SLC9A9: variants seen among roughly 807,000 people sequenced by gnomAD.
SLC9A9 encodes solute carrier family 9 member A9.
Under a neutral mutation model 77.8 loss-of-function variants are expected in SLC9A9, and 62 were observed. That is an observed-to-expected ratio of 0.80 (90% CI 0.65 to 0.98). The LOEUF is 0.98. Ranked by LOEUF, SLC9A9 falls within the 50% of genes least tolerant of loss-of-function variation. The pLI, the probability that SLC9A9 is intolerant of heterozygous loss-of-function variation, is 0.00. For missense variants in SLC9A9, 775 were observed against 774.9 expected, an observed-to-expected ratio of 1.00 and a Z score of 0.00; for synonymous variants, 320 against 283.5, an observed-to-expected ratio of 1.13 and a Z score of -1.29.
chr3:143,671,826 G>A lies in SLC9A9; in HGVS notation c.650-19466C>T, dbSNP rs1417145814. ...TCTAGAAGCCTGCTGGCTTCAGTGG[G>A]AGGTACTCTGGTCTAACATCCTCTG... On this transcript the variant is annotated intron_variant, in intron 5 of 15. Coordinates refer to ENST00000316549, the MANE Select transcript of SLC9A9 (RefSeq NM_173653.4). Among the ~76,000 whole-genome samples, 5 of 152,322 alleles carry A rather than the reference G, an allele frequency of 3.3e-5. No homozygotes were observed. In the East Asian group the frequency reaches 5.8e-4, roughly 18 times the overall value.
At chr3:143,361,128 A>T (rs1208976208) in intron 14 of SLC9A9, among the ~76,000 whole-genome samples, 1 of 152,252 alleles carries the variant, frequency 6.6e-6, no homozygotes, top group Non-Finnish European at 1.5e-5. Flanking sequence ...CCTTGAAATA[A>T]ATCTATATGT....
intron 2 of SLC9A9, among the ~76,000 whole-genome samples, chr3:143,831,529 G>A (rs181375161): frequency 9.1e-4 from 139 of 152,238 alleles, no homozygotes; most frequent in Non-Finnish European, 1.6e-3. Flanking sequence ...TTTATACATA[G>A]CCAAGTGGCC....
chr3:143,489,072 T>C (rs2035699302), intron 11 of SLC9A9, among the ~76,000 whole-genome samples: 2 of 151,888 alleles, frequency 1.3e-5, no homozygotes, highest in South Asian at 2.1e-4. Context: ...CAAAAATCAA[T>C]TGCATTTTTA....
chr3:143,713,115 C>T (rs75329477), intron 4 of SLC9A9, among the ~76,000 whole-genome samples: 1,592 of 152,198 alleles, frequency 0.01, 28 homozygotes, highest in African/African-American at 0.035. Flanking sequence ...ATTCAAACAA[C>T]ACAAAATCCC....
intron 7 of SLC9A9, among the ~76,000 whole-genome samples, chr3:143,578,378 G>C (rs960720560): frequency 6.6e-5 from 10 of 152,194 alleles, no homozygotes; most frequent in African/African-American, 2.2e-4. Context: ...CCTTGGGCAA[G>C]AAGAGAGCTT....
intron 11 of SLC9A9, 129 bp from the exon 12 acceptor site, chr3:143,467,319 T>C: frequency 9.3e-7 from 1 of 1,076,756 alleles, no homozygotes; most frequent in Non-Finnish European, 1.4e-6. Context: ...TAATTATAGA[T>C]TCATAAAGAG....
chr3:143,526,617 C>T (rs1185918996), intron 9 of SLC9A9, among the ~76,000 whole-genome samples: 1 of 152,128 alleles, frequency 6.6e-6, no homozygotes, highest in Non-Finnish European at 1.5e-5. Flanking sequence ...GAGCTCACCT[C>T]GAGCAACCAA....
chr3:143,509,801 A>C (rs2036085919), intron 9 of SLC9A9, among the ~76,000 whole-genome samples: 1 of 152,210 alleles, frequency 6.6e-6, no homozygotes, highest in Admixed American at 6.5e-5. Flanking sequence ...ATACATATAT[A>C]TGGAGAAAGA....
At chr3:143,459,981 C>T (rs1172503592) in intron 12 of SLC9A9, among the ~76,000 whole-genome samples, 1 of 152,082 alleles carries the variant, frequency 6.6e-6, no homozygotes, top group African/African-American at 2.4e-5. Flanking sequence ...CTTATGATTG[C>T]TGGGATTGGG....
chr3:143,715,722 G>A (rs1934326633), intron 4 of SLC9A9, among the ~76,000 whole-genome samples: 1 of 152,126 alleles, frequency 6.6e-6, no homozygotes, highest in South Asian at 2.1e-4. Flanking sequence ...GCCAAGGCAG[G>A]AATGAGACAG....
chr3:143,287,697 A>G (rs1162021869), intron 14 of SLC9A9, among the ~76,000 whole-genome samples: 2 of 152,204 alleles, frequency 1.3e-5, no homozygotes, highest in Admixed American at 6.5e-5. Context: ...TCTGCTCAGC[A>G]CCTTGTCCTT....
intron 5 of SLC9A9, among the ~76,000 whole-genome samples, chr3:143,688,207 T>C (rs1177078914): frequency 6.6e-6 from 1 of 152,054 alleles, no homozygotes; most frequent in Non-Finnish European, 1.5e-5. Context: ...TGCCTCGGCC[T>C]CCCAGAGTGT....
At chr3:143,549,901 T>A (rs2036850811) in intron 9 of SLC9A9, among the ~76,000 whole-genome samples, 1 of 152,238 alleles carries the variant, frequency 6.6e-6, no homozygotes. Flanking sequence ...TAGGGAAAGC[T>A]AGTAGTATTC....
At chr3:143,292,351 A>T (rs192086623) in intron 14 of SLC9A9, among the ~76,000 whole-genome samples, 2 of 152,330 alleles carry the variant, frequency 1.3e-5, no homozygotes, top group East Asian at 3.9e-4. Context: ...TTTCTGAACT[A>T]CAGATAACAG....
intron 4 of SLC9A9, among the ~76,000 whole-genome samples, chr3:143,768,079 C>T (rs185612188): frequency 1.2e-3 from 183 of 152,280 alleles, no homozygotes; most frequent in African/African-American, 4.1e-3. Flanking sequence ...ATCTTTCTCA[C>T]CACTTTCTTT....
chr3:143,389,629 A>G (rs2033507168), intron 12 of SLC9A9, among the ~76,000 whole-genome samples: 1 of 152,254 alleles, frequency 6.6e-6, no homozygotes, highest in East Asian at 1.9e-4. Context: ...TGAGAGAAGC[A>G]AAGTCAGCTC....
At chr3:143,615,552 A>G (rs1205829398) in intron 6 of SLC9A9, among the ~76,000 whole-genome samples, 1 of 151,624 alleles carries the variant, frequency 6.6e-6, no homozygotes, top group Non-Finnish European at 1.5e-5. Context: ...AAGACTCATC[A>G]CTGGAATTGG....
At chr3:143,284,992 A>T (rs953222200) in intron 14 of SLC9A9, among the ~76,000 whole-genome samples, 2 of 152,192 alleles carry the variant, frequency 1.3e-5, no homozygotes, top group African/African-American at 4.8e-5. Flanking sequence ...ATGTGCTGAT[A>T]TCAATGGTTC....
At chr3:143,685,062 G>T (rs965777965) in intron 5 of SLC9A9, among the ~76,000 whole-genome samples, 6 of 151,876 alleles carry the variant, frequency 4.0e-5, no homozygotes, top group African/African-American at 1.5e-4. Flanking sequence ...CTTTATAGCA[G>T]TGCTGTCCAA....
Sources: allele counts gnomAD v4.1 joint callset (sites outside exome capture counted in the v4.1 genomes callset), GRCh38; gene constraint gnomAD v4.1.1; transcripts MANE v1.5; gene names NCBI Gene and HGNC (gene_info 2026-07-23, HGNC 2026-07-21).